The following IL15 variants were observed in gnomAD, a reference collection of about 807,000 sequenced individuals.
The protein encoded by IL15 is interleukin-15.
In IL15, 11 loss-of-function variants were observed where a neutral mutation model predicts 19.6. That is an observed-to-expected ratio of 0.56 (90% CI 0.35 to 0.93). The LOEUF is 0.93. Ranked by LOEUF, IL15 falls within the 40% of genes least tolerant of loss-of-function variation. The pLI, the probability that IL15 is intolerant of heterozygous loss-of-function variation, is 0.01. For missense variants in IL15, 197 were observed against 186.5 expected (o/e 1.06, Z -0.33); for synonymous variants, 58 against 59.6 (o/e 0.97, Z 0.12).
At chr4:141,702,419 C>T (rs909086406) in intron 2 of IL15, among the ~76,000 whole-genome samples, 1 of 152,108 alleles carries the variant, frequency 6.6e-6, no homozygotes, top group African/African-American at 2.4e-5. Flanking sequence ...TTCAAGTCTC[C>T]CAGCAATGGA....
intron 1 of IL15, among the ~76,000 whole-genome samples, chr4:141,655,937 T>C (rs570869703): frequency 1.3e-5 from 2 of 152,338 alleles, no homozygotes; most frequent in Admixed American, 6.5e-5. Context: ...AAAAATGATA[T>C]ATGATTTTTT....
At chr4:141,668,993 T>A (rs933840365) in intron 2 of IL15, among the ~76,000 whole-genome samples, 19 of 152,340 alleles carry the variant, frequency 1.2e-4, no homozygotes, top group Admixed American at 5.2e-4. Context: ...AATTTCTTTT[T>A]TCCTCAGATT....
At chr4:141,685,153 A>G (rs1728669069) in intron 2 of IL15, among the ~76,000 whole-genome samples, 1 of 152,232 alleles carries the variant, frequency 6.6e-6, no homozygotes, top group African/African-American at 2.4e-5. Flanking sequence ...ATCACTTAAT[A>G]GAGTCAGTAT....
At chr4:141,639,931 T>C (rs899079761) in intron 1 of IL15, among the ~76,000 whole-genome samples, 1 of 152,188 alleles carries the variant, frequency 6.6e-6, no homozygotes, top group Non-Finnish European at 1.5e-5. Flanking sequence ...ATTTCACTAA[T>C]TAAATACTAT....
At chr4:141,718,833 G>T (rs1392917239) in intron 2 of IL15, 1 of 152,042 alleles carries the variant, frequency 6.6e-6, no homozygotes, top group Non-Finnish European at 1.5e-5. Context: ...GCTTTTAATG[G>T]CATGGAGTTG....
At position 141,732,995 on chromosome 4, in the gene IL15, CTT is replaced by C. The variant is rs1730503061; in HGVS notation, c.*148_*149del. On this transcript the variant is annotated 3_prime_UTR_variant, in exon 8 of 8. Coordinates refer to ENST00000320650, the MANE Select transcript of IL15 (RefSeq NM_000585.5). ...GATCAGACCTTGGATCAGATGAACT[CTT>C]AGAAATGAAGGCAGAAAAATGTCAT... The C allele has an allele frequency of 1.6e-6, 2 of 1,288,850 alleles. No homozygotes were observed. The highest frequency in any genetic ancestry group is 2.0e-6 in the Non-Finnish European group (2 of 980,804). The allele number at this position is 1,288,850 out of a possible 1,614,324, so 79.8% of individuals were successfully genotyped here. A position where few individuals can be genotyped will look rare whatever the true frequency, so the allele number is the denominator to read the frequency against.
intron 2 of IL15, 83 bp from the exon 3 acceptor site, chr4:141,719,283 A>G: frequency 2.1e-6 from 1 of 483,184 alleles, no homozygotes; most frequent in Non-Finnish European, 3.7e-6. Context: ...ATTAAAAGGT[A>G]GGTGTTCAAT....
intron 2 of IL15, among the ~76,000 whole-genome samples, chr4:141,692,848 G>C (rs1728959718): frequency 6.6e-6 from 1 of 151,530 alleles, no homozygotes; most frequent in South Asian, 2.1e-4. Context: ...TCCAACGTCT[G>C]CCTATTACCC....
At chr4:141,665,080 T>C (rs751339720) in intron 2 of IL15, among the ~76,000 whole-genome samples, 16 of 152,138 alleles carry the variant, frequency 1.1e-4, no homozygotes, top group Non-Finnish European at 2.2e-4. Flanking sequence ...AATTCCTTAA[T>C]ATGTTAAGGA....
chr4:141,729,895 G>T lies in IL15; in HGVS notation c.289G>T (p.Val97Phe). 1 of 1,585,644 alleles carries T rather than the reference G, an allele frequency of 6.3e-7. No individual in the cohort carries two copies. Among genetic ancestry groups the T allele is most frequent in the South Asian group, 1.1e-5 (1 of 90,504 alleles). Residue 97 changes from valine to phenylalanine, a missense_variant, in exon 7 of 8, where the codon GTT becomes TTT. Val to Phe is a conservative substitution (Grantham distance 50). Transcript: ENST00000320650. ...GAAGTGCTTTCTCTTGGAGTTACAAGTTATTTCACTTGAGTCCGGAGATGC... is the reference window on the plus strand; with the variant it reads ...GAAGTGCTTTCTCTTGGAGTTACAATTTATTTCACTTGAGTCCGGAGATGC... ...AMKCFLLELQ[V>F]ISLESGDASI... is the part of the protein sequence containing the mutation.
At chr4:141,640,287 A>G (rs1307033331) in intron 1 of IL15, among the ~76,000 whole-genome samples, 2 of 151,402 alleles carry the variant, frequency 1.3e-5, no homozygotes, top group African/African-American at 2.4e-5. Flanking sequence ...TAACCATTGC[A>G]TTTTTATCCT....
At chr4:141,665,289 C>T (rs571695646) in intron 2 of IL15, among the ~76,000 whole-genome samples, 1 of 152,158 alleles carries the variant, frequency 6.6e-6, no homozygotes, top group East Asian at 1.9e-4. Flanking sequence ...TAATAAGAAT[C>T]ATATCAATTT....
intron 2 of IL15, among the ~76,000 whole-genome samples, chr4:141,660,243 A>G (rs1400609935): frequency 6.6e-6 from 1 of 152,186 alleles, no homozygotes; most frequent in African/African-American, 2.4e-5. Context: ...TTTCTTTGCT[A>G]TAATTTTTAC....
intron 1 of IL15, among the ~76,000 whole-genome samples, chr4:141,649,261 C>T (rs1048123834): frequency 1.3e-5 from 2 of 152,088 alleles, no homozygotes; most frequent in African/African-American, 2.4e-5. Flanking sequence ...TCATTCTTAA[C>T]TTCATTCCAT....
intron 2 of IL15, among the ~76,000 whole-genome samples, chr4:141,668,702 A>G (rs1316926544): frequency 1.3e-5 from 2 of 152,174 alleles, no homozygotes; most frequent in Non-Finnish European, 2.9e-5. Context: ...GCCAACTTGC[A>G]TCACATCCTT....
chr4:141,719,861 C>A (rs575132367), intron 3 of IL15, among the ~76,000 whole-genome samples: 1 of 151,872 alleles, frequency 6.6e-6, no homozygotes, highest in East Asian at 1.9e-4. Flanking sequence ...TTAAAAGCTT[C>A]GACAACACAA....
At chr4:141,639,033 A>G (rs1468287113) in intron 1 of IL15, among the ~76,000 whole-genome samples, 1 of 152,232 alleles carries the variant, frequency 6.6e-6, no homozygotes, top group Admixed American at 6.5e-5. Context: ...GAGAAACAGT[A>G]TGAATAATAA....
At chr4:141,725,829 G>A (rs1021893462) in intron 5 of IL15, among the ~76,000 whole-genome samples, 3 of 152,114 alleles carry the variant, frequency 2.0e-5, no homozygotes, top group Admixed American at 6.5e-5. Context: ...TACTTGAAAT[G>A]CATAATTTAT....
chr4:141,664,738 T>C (rs1464009566), intron 2 of IL15, among the ~76,000 whole-genome samples: 2 of 152,158 alleles, frequency 1.3e-5, no homozygotes, highest in East Asian at 3.8e-4. Flanking sequence ...CAAGAATGAA[T>C]AGAAATGGTT....
Sources: gnomAD v4.1 joint callset for allele counts (sites outside exome capture counted in the v4.1 genomes callset) on GRCh38, gnomAD v4.1.1 for gene constraint, MANE v1.5 for transcripts, NCBI Gene and HGNC (gene_info 2026-07-23, HGNC 2026-07-21) for gene names.